Variants in AKT3 observed in about 807,000 individuals in gnomAD.
AKT3 encodes the protein AKT serine/threonine kinase 3, also known as RAC-gamma serine/threonine-protein kinase.
A neutral mutation model predicts 65.3 loss-of-function variants in AKT3; 15 were observed. The ratio of observed to expected loss-of-function variants is 0.23; its 90% CI spans 0.15 to 0.35. The LOEUF is 0.35. Among genes scored for constraint, AKT3 ranks in the 10% least tolerant of loss-of-function variants. The probability of loss-of-function intolerance (pLI) is 1.00; values close to 1 mark genes in which losing one functional copy is unlikely to be tolerated. For synonymous variants in AKT3, 206 were observed against 183.8 expected (o/e 1.12, Z -0.98); for missense variants, 243 against 576.5 (o/e 0.42, Z 5.92).
intron 2 of AKT3, among the ~76,000 whole-genome samples, chr1:243,701,994 T>C (rs1685493753): frequency 6.6e-6 from 1 of 151,794 alleles, no homozygotes; most frequent in Non-Finnish European, 1.5e-5. Flanking sequence ...TCCTTATACA[T>C]CTCTGAAGAA....
At position 243,695,457 on chromosome 1, in the gene AKT3, C is replaced by G. The variant is rs528529923; in HGVS notation, c.172+134G>C. 6 of 739,564 alleles carry G rather than the reference C, an allele frequency of 8.1e-6. No individual in the cohort carries two copies. In the South Asian group the frequency reaches 1.2e-4, roughly 15 times the overall value. 45.8% of individuals were successfully genotyped at this position (739,564 alleles called of 1,614,324 possible). A position where few individuals can be genotyped will look rare whatever the true frequency, so the allele number is the denominator to read the frequency against. On this transcript the variant is annotated intron_variant, in intron 3 of 13. Transcript: ENST00000673466. ...CTATGCTAAGGGACTGAAATTCTATCAAAGCTGAAAATTTCTCTATTAAAT... is the reference window on the plus strand; with the variant it reads ...CTATGCTAAGGGACTGAAATTCTATGAAAGCTGAAAATTTCTCTATTAAAT...
At chr1:243,512,815 T>C (rs1670101499) in intron 12 of AKT3, among the ~76,000 whole-genome samples, 4 of 152,062 alleles carry the variant, frequency 2.6e-5, no homozygotes, top group Admixed American at 2.0e-4. Flanking sequence ...CTGAAGAGGG[T>C]AGTAATAAAA....
At chr1:243,679,325 G>C (rs865888163) in intron 3 of AKT3, among the ~76,000 whole-genome samples, 1 of 151,972 alleles carries the variant, frequency 6.6e-6, no homozygotes, top group Non-Finnish European at 1.5e-5. Context: ...ATTGCTCAAG[G>C]GTCAACTGTA....
downstream of AKT3, among the ~76,000 whole-genome samples, chr1:243,498,346 G>A (rs1668557749): frequency 6.6e-6 from 1 of 152,212 alleles, no homozygotes; most frequent in Admixed American, 6.5e-5. Flanking sequence ...CTCCTCATGG[G>A]CCACTCAGAC....
intron 13 of AKT3, among the ~76,000 whole-genome samples, chr1:243,492,898 C>T (rs2148290721): frequency 6.6e-6 from 1 of 152,268 alleles, no homozygotes; most frequent in East Asian, 1.9e-4. Flanking sequence ...TGAGCTTTGC[C>T]CGGCCTCTTG....
rs1057522977 is a variant in AKT3, at chr1:243,563,706, G to C, written c.948+14C>G. The C allele has an allele frequency of 1.3e-6, 2 of 1,590,410 alleles. No individual in the cohort carries two copies. Among genetic ancestry groups the C allele is most frequent in the Non-Finnish European group, 1.7e-6 (2 of 1,172,322 alleles). On this transcript the variant is annotated intron_variant, in intron 10 of 13. Transcript: ENST00000673466. ...TGTCAATGTTACTTTCCTATTAATG[G>C]AACCGAAGCCTACCTCTGGTGCCAG...
At chr1:243,779,448 A>G (rs1213775624) in intron 2 of AKT3, among the ~76,000 whole-genome samples, 1 of 152,162 alleles carries the variant, frequency 6.6e-6, no homozygotes, top group Admixed American at 6.6e-5. Context: ...AGAATTCAAA[A>G]GAAGAATGAG....
At chr1:243,737,241 T>G (rs1687894523) in intron 2 of AKT3, among the ~76,000 whole-genome samples, 1 of 152,178 alleles carries the variant, frequency 6.6e-6, no homozygotes, top group South Asian at 2.1e-4. Context: ...TGCCTCATAC[T>G]CATCTGCAAA....
Position 243,574,170 on chromosome 1 carries a change from C to A in AKT3, c.697-1122G>T, listed in dbSNP as rs185745532. 2.6e-5 allele frequency among the ~76,000 whole-genome samples: 4 copies of A among 152,184 alleles called. No homozygotes were observed. The East Asian group carries it at 7.7e-4, about 29-fold the overall frequency. On this transcript the variant is annotated intron_variant, in intron 8 of 13. Coordinates refer to ENST00000673466, the MANE Select transcript of AKT3 (RefSeq NM_005465.7). ...CAAAATTGGTGAAAATTATGGTTAA[C>A]TAAGATTTGTTCTGCATACACCAAA...
intron 2 of AKT3, among the ~76,000 whole-genome samples, chr1:243,769,227 G>C (rs977375331): frequency 6.6e-6 from 1 of 152,064 alleles, no homozygotes; most frequent in East Asian, 1.9e-4. Flanking sequence ...CAGTTGATTG[G>C]ACATTTGTGG....
At chr1:243,823,663 AT>A (rs1393795118) in intron 2 of AKT3, among the ~76,000 whole-genome samples, 1 of 152,196 alleles carries the variant, frequency 6.6e-6, no homozygotes, top group African/African-American at 2.4e-5. Flanking sequence ...ATGAACTCCC[AT>A]TCATAATTGC....
intron 3 of AKT3, among the ~76,000 whole-genome samples, chr1:243,670,693 CTCT>C (rs1236687774): frequency 4.6e-5 from 7 of 152,158 alleles, no homozygotes; most frequent in Non-Finnish European, 1.0e-4. Flanking sequence ...AGGTAGCTAA[CTCT>C]TATTATAACA....
chr1:243,528,718 G>A (rs1671323451), intron 12 of AKT3, among the ~76,000 whole-genome samples: 1 of 152,154 alleles, frequency 6.6e-6, no homozygotes, highest in Admixed American at 6.5e-5. Context: ...TATCCAATCT[G>A]TAATTGATGG....
chr1:243,661,962 C>T (rs1219139190), intron 4 of AKT3, among the ~76,000 whole-genome samples: 28 of 147,340 alleles, frequency 1.9e-4, no homozygotes, highest in Admixed American at 1.1e-3. Flanking sequence ...AAAATGCTCA[C>T]CATCACTGGC....
intron 6 of AKT3, among the ~76,000 whole-genome samples, chr1:243,632,694 T>C (rs752984990): frequency 2.0e-5 from 3 of 152,234 alleles, no homozygotes; most frequent in Non-Finnish European, 2.9e-5. Flanking sequence ...GGAAAATCTG[T>C]GGTTTCGTGT....
chr1:243,618,808 C>T lies in AKT3; in HGVS notation c.562-3647G>A, dbSNP rs182882387. Among the ~76,000 whole-genome samples, 188 of 152,134 alleles carry T rather than the reference C, an allele frequency of 1.2e-3. 3 individuals are homozygous for T. The highest frequency in any genetic ancestry group is 9.7e-4 in the East Asian group (5 of 5,176). ...CCTCTATTACACACGATCTAAAGTTCTCCTTTCATTTGACCCTCTCGATGT... is the reference window on the plus strand; with the variant it reads ...CCTCTATTACACACGATCTAAAGTTTTCCTTTCATTTGACCCTCTCGATGT... On this transcript the variant is annotated intron_variant, in intron 6 of 13. Transcript: ENST00000673466.
chr1:243,687,689 TG>T (rs1684419561), intron 3 of AKT3: 1 of 152,164 alleles, frequency 6.6e-6, no homozygotes, highest in Non-Finnish European at 1.5e-5. Context: ...GTGGAATTTT[TG>T]TTCTTTTCAA....
At chr1:243,779,654 A>G (rs1488196498) in intron 2 of AKT3, among the ~76,000 whole-genome samples, 3 of 152,166 alleles carry the variant, frequency 2.0e-5, no homozygotes, top group Admixed American at 6.5e-5. Flanking sequence ...GATAAGGAAA[A>G]GAAAAATACT....
chr1:243,849,689 C>T (rs1041824721), intron 1 of AKT3, among the ~76,000 whole-genome samples: 7 of 151,432 alleles, frequency 4.6e-5, no homozygotes, highest in African/African-American at 7.3e-5. Context: ...GTTGCGCAGA[C>T]AGCAGGCGCC....
Sources: gnomAD v4.1 joint callset for allele counts (sites outside exome capture counted in the v4.1 genomes callset) on GRCh38, gnomAD v4.1.1 for gene constraint, MANE v1.5 for transcripts, NCBI Gene and HGNC (gene_info 2026-07-23, HGNC 2026-07-21) for gene names.